ACSS3: variants seen among roughly 807,000 people sequenced by gnomAD.
ACSS3 encodes the protein acyl-CoA synthetase short chain family member 3, also known as acyl-CoA synthetase short-chain family member 3, mitochondrial.
ACSS3 carries 64 observed loss-of-function variants against 84.2 expected under a neutral mutation model. The observed-to-expected ratio is 0.76, with a 90% CI of 0.62 to 0.94. The LOEUF (loss-of-function observed/expected upper bound fraction) is 0.94. Ranked by LOEUF, ACSS3 falls within the 40% of genes least tolerant of loss-of-function variation. The pLI, the probability that ACSS3 is intolerant of heterozygous loss-of-function variation, is 0.00. For missense variants in ACSS3, 815 were observed against 867.6 expected (o/e 0.94, Z 0.76); for synonymous variants, 317 against 310.1 (o/e 1.02, Z -0.23).
At chr12:81,157,931 TACACACACACAC>T (rs35855433) in intron 7 of ACSS3, among the ~76,000 whole-genome samples, 4 of 144,128 alleles carry the variant, frequency 2.8e-5, no homozygotes, top group Non-Finnish European at 4.6e-5. Flanking sequence ...GATTACAGAA[TACACACACACAC>T]ACACACACAC....
chr12:81,100,511 C>T (rs1280879341), intron 1 of ACSS3, among the ~76,000 whole-genome samples: 2 of 152,102 alleles, frequency 1.3e-5, no homozygotes, highest in African/African-American at 4.8e-5. Flanking sequence ...TTCATTTGCC[C>T]TGGAGTGCAT....
At chr12:81,213,950 C>CCTCT (rs1209995717) in intron 9 of ACSS3, among the ~76,000 whole-genome samples, 2 of 15,802 alleles carry the variant, frequency 1.3e-4, no homozygotes, top group Admixed American at 8.8e-4. Flanking sequence ...TCTCTCTCTC[C>CCTCT]CTCTCTCTCT....
intron 1 of ACSS3, among the ~76,000 whole-genome samples, chr12:81,089,143 A>G (rs1881508189): frequency 6.6e-6 from 1 of 152,008 alleles, no homozygotes; most frequent in African/African-American, 2.4e-5. Context: ...TAAGAACATG[A>G]TAAATAGCCT....
At position 81,105,976 on chromosome 12, in the gene ACSS3, G is replaced by C. The variant is rs76743816; in HGVS notation, c.312-3584G>C. 4.2e-3 allele frequency among the ~76,000 whole-genome samples: 636 copies of C among 152,256 alleles called. 7 individuals carry two copies. The highest frequency in any genetic ancestry group is 0.015 in the African/African-American group (619 of 41,538). On this transcript the variant is annotated intron_variant, in intron 1 of 15. Transcript: ENST00000548058. ...GAAGTGGAAGCTGACTGAATTCAAG[G>C]AACTGCAAAGTTTGTAATCAGTACA...
intron 7 of ACSS3, among the ~76,000 whole-genome samples, chr12:81,161,394 G>A (rs1405817064): frequency 2.0e-5 from 3 of 152,160 alleles, no homozygotes; most frequent in African/African-American, 4.8e-5. Context: ...AAGTGAACTC[G>A]AAGGCTTTAA....
chr12:81,089,175 A>G (rs770983301), intron 1 of ACSS3, among the ~76,000 whole-genome samples: 1 of 151,964 alleles, frequency 6.6e-6, no homozygotes, highest in Non-Finnish European at 1.5e-5. Flanking sequence ...CTAATTATGA[A>G]CACTTGGAAA....
intron 1 of ACSS3, among the ~76,000 whole-genome samples, chr12:81,103,200 G>A (rs896063480): frequency 3.9e-5 from 6 of 152,138 alleles, no homozygotes; most frequent in Non-Finnish European, 7.4e-5. Flanking sequence ...GGAAAAACTC[G>A]TAATGTAGTC....
intron 2 of ACSS3, among the ~76,000 whole-genome samples, chr12:81,121,853 G>C (rs1884633027): frequency 6.6e-6 from 1 of 151,780 alleles, no homozygotes; most frequent in Admixed American, 6.6e-5. Flanking sequence ...TACGTATTCT[G>C]CATGAGATTA....
intron 13 of ACSS3, among the ~76,000 whole-genome samples, chr12:81,247,265 C>T (rs74103943): frequency 0.014 from 2,178 of 152,156 alleles, 55 homozygotes; most frequent in African/African-American, 0.05. Context: ...TTCCGGCAGA[C>T]TCAGTCAATC....
At chr12:81,246,553 T>G (rs1251329414) in intron 13 of ACSS3, among the ~76,000 whole-genome samples, 1 of 152,168 alleles carries the variant, frequency 6.6e-6, no homozygotes, top group East Asian at 1.9e-4. Context: ...CATCACCAAG[T>G]TGTATTTCAA....
intron 7 of ACSS3, among the ~76,000 whole-genome samples, chr12:81,161,907 G>A (rs1049526224): frequency 3.3e-5 from 5 of 152,202 alleles, no homozygotes; most frequent in African/African-American, 4.8e-5. Flanking sequence ...GTGTCTGGAC[G>A]AGGGAAACAT....
intron 2 of ACSS3, among the ~76,000 whole-genome samples, chr12:81,127,635 TG>T (rs755628171): frequency 6.6e-6 from 1 of 152,242 alleles, no homozygotes; most frequent in Non-Finnish European, 1.5e-5. Flanking sequence ...TTTTATTTTT[TG>T]TTACGGTTTA....
rs1013715431 is a variant in ACSS3 at position 81,174,653 on chromosome 12, T to C, written c.1099-135T>C. On this transcript the variant is annotated intron_variant, in intron 7 of 15. Coordinates refer to ENST00000548058, the MANE Select transcript of ACSS3 (RefSeq NM_024560.4). The stretch of plus-strand genomic sequence containing the variant: ...GGTTTGCTTTATTTGTGATAGAACA[T>C]GGAAATATTTTAAAACTAAGATTTG... The C allele has an allele frequency of 3.2e-6, 3 of 951,746 alleles. No homozygotes were observed. In the African/African-American group the frequency reaches 5.0e-5, roughly 16 times the overall value. The allele number at this position is 951,746 out of a possible 1,614,324, so 59.0% of individuals were successfully genotyped here.
chr12:81,234,691 A>C (rs1483273423), intron 13 of ACSS3, among the ~76,000 whole-genome samples: 1 of 151,200 alleles, frequency 6.6e-6, no homozygotes, highest in African/African-American at 2.4e-5. Flanking sequence ...CCATCCATAT[A>C]CCTTTTTTGA....
chr12:81,243,218 GACAA>G (rs1418569057), intron 13 of ACSS3, among the ~76,000 whole-genome samples: 2 of 152,114 alleles, frequency 1.3e-5, no homozygotes, highest in East Asian at 3.9e-4. Flanking sequence ...ACCAATAACA[GACAA>G]ACAGAGAGCC....
chr12:81,129,091 A>C (rs779026974), intron 2 of ACSS3, among the ~76,000 whole-genome samples: 13 of 152,168 alleles, frequency 8.5e-5, no homozygotes, highest in Non-Finnish European at 1.5e-4. Context: ...ATTGAGGAGC[A>C]GCTGAAACAA....
In ACSS3 at chr12:81,134,906, T is replaced by G; in HGVS notation, c.547T>G (p.Tyr183Asp). The change falls in exon 3 of 16, where the codon TAT becomes GAT. Residue 183 changes from tyrosine to aspartate, a missense_variant. Transcript: ENST00000548058. ...CATGCCTATGATCCCACAGGCGATGTATACCATGTTGGCATGTGCAAGGAT... is the reference window on the plus strand; with the variant it reads ...CATGCCTATGATCCCACAGGCGATGGATACCATGTTGGCATGTGCAAGGAT... ...IYMPMIPQAM[Y>D]TMLACARIGA... The G allele has an allele frequency of 1.2e-6, 2 of 1,607,868 alleles. No individual in the cohort carries two copies. Among genetic ancestry groups the G allele is most frequent in the Non-Finnish European group, 1.7e-6 (2 of 1,176,708 alleles).
At chr12:81,098,656 T>C (rs534401245) in intron 1 of ACSS3, among the ~76,000 whole-genome samples, 2 of 152,314 alleles carry the variant, frequency 1.3e-5, no homozygotes, top group East Asian at 3.9e-4. Context: ...CTAAGGTTTA[T>C]AGATGAAAAA....
upstream of ACSS3, chr12:81,077,965 CG>C: frequency 1.2e-6 from 1 of 856,816 alleles, no homozygotes; most frequent in South Asian, 2.2e-5. Context: ...CGCTCCAGGT[CG>C]GTTTTTCCCG....
Sources: gnomAD v4.1 joint callset for allele counts (sites outside exome capture counted in the v4.1 genomes callset) on GRCh38, gnomAD v4.1.1 for gene constraint, MANE v1.5 for transcripts, NCBI Gene and HGNC (gene_info 2026-07-23, HGNC 2026-07-21) for gene names.